The following GRIA4 variants were observed in gnomAD, a reference collection of about 807,000 sequenced individuals.
GRIA4 encodes glutamate ionotropic receptor AMPA type subunit 4.
In GRIA4, 34 loss-of-function variants were observed where a neutral mutation model predicts 104.0. The observed-to-expected ratio is 0.33, with a 90% CI of 0.25 to 0.44. The LOEUF (loss-of-function observed/expected upper bound fraction) is 0.44, where lower values mean the gene tolerates loss of function less well. Among genes scored for constraint, GRIA4 ranks in the 20% least tolerant of loss-of-function variants. GRIA4 has a pLI of 1.00. For missense variants in GRIA4, 750 were observed against 1,096.5 expected, an observed-to-expected ratio of 0.68 and a Z score of 4.46; for synonymous variants, 386 against 381.9, an observed-to-expected ratio of 1.01 and a Z score of -0.13.
chr11:105,736,094 C>T (rs187679138), intron 3 of GRIA4, among the ~76,000 whole-genome samples: 417 of 152,180 alleles, frequency 2.7e-3, no homozygotes, highest in Non-Finnish European at 4.6e-3. Flanking sequence ...TTCACAAATA[C>T]TCAGATATAA....
At chr11:105,870,335 GC>G (rs1391406720) in intron 5 of GRIA4, among the ~76,000 whole-genome samples, 2 of 151,538 alleles carry the variant, frequency 1.3e-5, no homozygotes, top group African/African-American at 4.8e-5. Context: ...TCTTGTCTCT[GC>G]CCACCACATT....
At chr11:105,690,008 C>G (rs556385772) in intron 3 of GRIA4, among the ~76,000 whole-genome samples, 1 of 152,328 alleles carries the variant, frequency 6.6e-6, no homozygotes, top group East Asian at 1.9e-4. Context: ...ATCCTTATAC[C>G]TTAGCTAACT....
At chr11:105,782,786 A>T (rs1941785030) in intron 4 of GRIA4, among the ~76,000 whole-genome samples, 1 of 152,222 alleles carries the variant, frequency 6.6e-6, no homozygotes, top group African/African-American at 2.4e-5. Flanking sequence ...ATTCACGAAC[A>T]GAAGAGCAAT....
At chr11:105,897,098 G>A (rs1946676524) in intron 6 of GRIA4, among the ~76,000 whole-genome samples, 1 of 151,980 alleles carries the variant, frequency 6.6e-6, no homozygotes, top group Admixed American at 6.6e-5. Flanking sequence ...TCAGTGTTTG[G>A]TAGTTTTCCT....
At chr11:105,649,222 T>C (rs1387893294) in intron 3 of GRIA4, among the ~76,000 whole-genome samples, 3 of 152,148 alleles carry the variant, frequency 2.0e-5, no homozygotes, top group African/African-American at 7.2e-5. Flanking sequence ...TTAGTAGTAA[T>C]ATATTATAAT....
intron 4 of GRIA4, among the ~76,000 whole-genome samples, chr11:105,765,907 G>A (rs1428136299): frequency 6.6e-6 from 1 of 152,094 alleles, no homozygotes; most frequent in African/African-American, 2.4e-5. Context: ...TGTCTTATGT[G>A]AAAAAGATTA....
intron 3 of GRIA4, among the ~76,000 whole-genome samples, chr11:105,720,547 C>T (rs1214088827): frequency 6.6e-6 from 1 of 152,128 alleles, no homozygotes; most frequent in Non-Finnish European, 1.5e-5. Context: ...CTAAAAAGCG[C>T]AATTTATGAT....
intron 10 of GRIA4, among the ~76,000 whole-genome samples, chr11:105,917,815 GGTGTGTGT>G (rs147308478): frequency 1.6e-3 from 224 of 142,774 alleles, no homozygotes; most frequent in East Asian, 0.011. Flanking sequence ...TTGGTTTAAG[GGTGTGTGT>G]GTGTGTGTGT....
chr11:105,654,311 G>A (rs1281269816), intron 3 of GRIA4, among the ~76,000 whole-genome samples: 2 of 151,264 alleles, frequency 1.3e-5, no homozygotes, highest in Non-Finnish European at 2.9e-5. Context: ...TATAGTTAAT[G>A]ACGATGTATT....
chr11:105,626,649 G>A (rs901140880), intron 3 of GRIA4, among the ~76,000 whole-genome samples: 1 of 152,112 alleles, frequency 6.6e-6, no homozygotes, highest in Non-Finnish European at 1.5e-5. Context: ...TTTAGTTGGG[G>A]AATGGTTAAA....
chr11:105,727,547 G>A lies in GRIA4; in HGVS notation c.248-25434G>A, dbSNP rs577446732. ...AGAGAACACCACAAAGATACTCCTT[G>A]AGAAGAGCAACCCCAAGACATAATC... On this transcript the variant is annotated intron_variant, in intron 3 of 16. Coordinates refer to ENST00000282499, the MANE Select transcript of GRIA4 (RefSeq NM_000829.4). Among the ~76,000 whole-genome samples the A allele has an allele frequency of 2.0e-5, 3 of 152,190 alleles. No homozygotes were observed. In the East Asian group the frequency reaches 5.8e-4, roughly 29 times the overall value.
At chr11:105,645,316 G>T (rs1951495211) in intron 3 of GRIA4, among the ~76,000 whole-genome samples, 2 of 152,304 alleles carry the variant, frequency 1.3e-5, no homozygotes, top group South Asian at 4.1e-4. Context: ...ATGCTCCTTG[G>T]CAGGGGAGTC....
At chr11:105,645,941 G>A (rs2135366706) in intron 3 of GRIA4, among the ~76,000 whole-genome samples, 1 of 152,240 alleles carries the variant, frequency 6.6e-6, no homozygotes, top group Admixed American at 6.5e-5. Flanking sequence ...TAAAATTGGG[G>A]TAAAGAAAGA....
chr11:105,924,277 G>T, intron 11 of GRIA4, 122 bp from the exon 12 acceptor site: 1 of 646,088 alleles, frequency 1.5e-6, no homozygotes, highest in South Asian at 2.8e-5. Flanking sequence ...TACATTGTTG[G>T]CACTCCAAAA....
chr11:105,763,728 C>T lies in GRIA4; in HGVS notation c.487+10508C>T, dbSNP rs114812322. On this transcript the variant is annotated intron_variant, in intron 4 of 16. Transcript: ENST00000282499. ...ACAGCTTAAACTCCTATCTGTACAGCGGTCTGTCATTGCCATTTGGAAGGT... is the reference window on the plus strand; with the variant it reads ...ACAGCTTAAACTCCTATCTGTACAGTGGTCTGTCATTGCCATTTGGAAGGT... 2.4e-3 allele frequency among the ~76,000 whole-genome samples: 364 copies of T among 152,252 alleles called. 2 individuals are homozygous for T. Among genetic ancestry groups the T allele is most frequent in the Middle Eastern group, 0.014 (4 of 294 alleles).
intron 3 of GRIA4, among the ~76,000 whole-genome samples, chr11:105,628,958 CTT>C (rs969372042): frequency 1.3e-5 from 2 of 151,918 alleles, no homozygotes; most frequent in Admixed American, 1.3e-4. Context: ...CCCAAAATCT[CTT>C]CAAGCTGATA....
intron 4 of GRIA4, among the ~76,000 whole-genome samples, chr11:105,778,649 G>A (rs897026645): frequency 2.6e-5 from 4 of 152,114 alleles, no homozygotes; most frequent in African/African-American, 9.7e-5. Flanking sequence ...AGGTTGCAGT[G>A]AGCTGAGATC....
At chr11:105,802,816 A>G (rs1240840850) in intron 4 of GRIA4, among the ~76,000 whole-genome samples, 3 of 151,908 alleles carry the variant, frequency 2.0e-5, no homozygotes, top group Non-Finnish European at 4.4e-5. Flanking sequence ...ATTTCAAAAC[A>G]TATTGTTATA....
chr11:105,621,831 T>C (rs1950754196), intron 3 of GRIA4, among the ~76,000 whole-genome samples: 2 of 151,876 alleles, frequency 1.3e-5, no homozygotes, highest in South Asian at 4.1e-4. Flanking sequence ...GTGAGAATAA[T>C]TTTTTTCTAT....
Sources: allele counts gnomAD v4.1 joint callset (sites outside exome capture counted in the v4.1 genomes callset), GRCh38; gene constraint gnomAD v4.1.1; transcripts MANE v1.5; gene names NCBI Gene and HGNC (gene_info 2026-07-23, HGNC 2026-07-21).